The following DYNC1I2 variants were observed in gnomAD, a reference collection of about 807,000 sequenced individuals.
The protein encoded by DYNC1I2 is cytoplasmic dynein 1 intermediate chain 2.
In DYNC1I2, 53 loss-of-function variants were observed where a neutral mutation model predicts 88.6. The observed-to-expected ratio is 0.60, with a 90% CI of 0.48 to 0.75. The LOEUF is 0.75. Among genes scored for constraint, DYNC1I2 ranks in the 30% least tolerant of loss-of-function variants. The pLI is 0.00. For synonymous variants in DYNC1I2, 198 were observed against 254.6 expected (o/e 0.78, Z 2.12); for missense variants, 458 against 766.6 (o/e 0.60, Z 4.75).
In DYNC1I2 at chr2:171,729,702, A is replaced by C. The variant is rs773979818; in HGVS notation, c.1392-7A>C. ...CTTCTCTAACATTTTCACTTTTATGAAATTAGCAAAGCTGGAATCAGTGAG... is the reference window on the plus strand; with the variant it reads ...CTTCTCTAACATTTTCACTTTTATGCAATTAGCAAAGCTGGAATCAGTGAG... On this transcript the variant is annotated splice_polypyrimidine_tract_variant and splice_region_variant and intron_variant, in intron 14 of 17. Transcript: ENST00000397119. 7 of 1,612,046 alleles carry C rather than the reference A, an allele frequency of 4.3e-6. No homozygotes were observed. The highest frequency in any genetic ancestry group is 5.9e-6 in the Non-Finnish European group (7 of 1,179,650).
chr2:171,731,186 T>C (rs1688580760), intron 15 of DYNC1I2, among the ~76,000 whole-genome samples: 1 of 152,230 alleles, frequency 6.6e-6, no homozygotes, highest in Admixed American at 6.5e-5. Context: ...TGGATTGTTC[T>C]TGAATTTTTA....
chr2:171,737,163 A>G (rs111711136), intron 15 of DYNC1I2, among the ~76,000 whole-genome samples: 2,503 of 152,214 alleles, frequency 0.016, 58 homozygotes, highest in African/African-American at 0.053. Context: ...TGTTTCATTG[A>G]CTTGCAGCTA....
intron 4 of DYNC1I2, 45 bp downstream of exon 4, chr2:171,706,609 C>A: frequency 1.3e-6 from 2 of 1,558,122 alleles, no homozygotes; most frequent in Non-Finnish European, 1.8e-6. Flanking sequence ...TTGCATGCAT[C>A]ACTTTATGTT....
chr2:171,719,411 CTG>C (rs1210325258), intron 7 of DYNC1I2, among the ~76,000 whole-genome samples: 1 of 152,210 alleles, frequency 6.6e-6, no homozygotes, highest in African/African-American at 2.4e-5. Flanking sequence ...AATGGAAACA[CTG>C]TGCGCTTAAC....
intron 3 of DYNC1I2, among the ~76,000 whole-genome samples, chr2:171,698,665 C>G (rs570923685): frequency 7.4e-4 from 112 of 151,682 alleles, no homozygotes; most frequent in African/African-American, 2.4e-3. Context: ...GTCAGGAGAT[C>G]GAGACCATCC....
chr2:171,722,512 T>TA (rs1230217383), intron 7 of DYNC1I2, among the ~76,000 whole-genome samples: 4 of 152,156 alleles, frequency 2.6e-5, no homozygotes, highest in Admixed American at 2.0e-4. Context: ...CCTGCTCTGT[T>TA]ACAGTCTTTT....
At chr2:171,746,841 T>C (rs1472341474) in intron 17 of DYNC1I2, among the ~76,000 whole-genome samples, 1 of 152,172 alleles carries the variant, frequency 6.6e-6, no homozygotes, top group East Asian at 1.9e-4. Flanking sequence ...GTGAGTGGTT[T>C]GTGCCCTAAC....
intron 1 of DYNC1I2, chr2:171,688,299 C>T: frequency 6.6e-6 from 1 of 152,266 alleles, no homozygotes; most frequent in South Asian, 2.1e-4. Flanking sequence ...TCTAGAGACT[C>T]TCTTCTCTTG....
intron 3 of DYNC1I2, among the ~76,000 whole-genome samples, chr2:171,697,491 A>G (rs983696762): frequency 3.3e-5 from 5 of 152,090 alleles, no homozygotes; most frequent in Admixed American, 2.6e-4. Flanking sequence ...TTTAAACTGG[A>G]AGTTAGATTT....
chr2:171,710,582 C>T (rs1021530061), intron 5 of DYNC1I2, among the ~76,000 whole-genome samples: 1 of 152,008 alleles, frequency 6.6e-6, no homozygotes, highest in South Asian at 2.1e-4. Context: ...TATAAAAGGT[C>T]GTGAGAAATA....
At chr2:171,688,312 T>A (rs1473394786) in intron 1 of DYNC1I2, 2 of 151,984 alleles carry the variant, frequency 1.3e-5, no homozygotes, top group African/African-American at 4.8e-5. Context: ...TTCTCTTGAG[T>A]TTTAAGAACG....
chr2:171,701,750 G>T (rs1686275217), intron 3 of DYNC1I2, among the ~76,000 whole-genome samples: 1 of 152,160 alleles, frequency 6.6e-6, no homozygotes, highest in Admixed American at 6.6e-5. Context: ...AGTGGGGAAG[G>T]TAGCATATTT....
At chr2:171,709,873 G>A (rs1327322193) in intron 5 of DYNC1I2, among the ~76,000 whole-genome samples, 2 of 151,908 alleles carry the variant, frequency 1.3e-5, no homozygotes, top group East Asian at 1.9e-4. Context: ...ATGCACAACC[G>A]CGCCCAGCTA....
intron 5 of DYNC1I2, among the ~76,000 whole-genome samples, chr2:171,711,725 A>G (rs541124143): frequency 6.6e-6 from 1 of 152,282 alleles, no homozygotes; most frequent in South Asian, 2.1e-4. Flanking sequence ...ATTCATTACT[A>G]TTTTTCTTGA....
chr2:171,699,790 CTA>C (rs56358847), intron 3 of DYNC1I2, among the ~76,000 whole-genome samples: 4,733 of 152,044 alleles, frequency 0.031, 106 homozygotes, highest in Non-Finnish European at 0.046. Context: ...GCAGGTATCA[CTA>C]TGCCTGGCTA....
chr2:171,729,497 G>T (rs914738443), intron 14 of DYNC1I2, among the ~76,000 whole-genome samples: 19 of 152,174 alleles, frequency 1.2e-4, no homozygotes, highest in African/African-American at 3.6e-4. Context: ...ACAGCATGAT[G>T]TTTACAGTTC....
chr2:171,724,790 A>G (rs1688126510), intron 7 of DYNC1I2, among the ~76,000 whole-genome samples: 1 of 152,214 alleles, frequency 6.6e-6, no homozygotes, highest in Non-Finnish European at 1.5e-5. Flanking sequence ...AACCCATCTC[A>G]GTGTGTAGCA....
rs200570160 is a variant in DYNC1I2 at position 171,692,892 on chromosome 2, T to C, written c.224T>C (p.Ile75Thr). The C allele has an allele frequency of 1.5e-4, 233 of 1,586,188 alleles. No homozygotes were observed. Among genetic ancestry groups the C allele is most frequent in the Non-Finnish European group, 1.8e-4 (207 of 1,163,550 alleles). Residue 75 changes from isoleucine to threonine, a missense_variant and splice_region_variant, in exon 3 of 18, where the codon ATT (isoleucine) becomes ACT (threonine). Physicochemically the swap from Ile to Thr is moderately conservative, Grantham distance 89 (BLOSUM62 -1). This residue lies in a region of DYNC1I2 where 55 missense variants were observed against 57.1 expected (regional missense o/e 0.96). Coordinates refer to ENST00000397119, the MANE Select transcript of DYNC1I2 (RefSeq NM_001378.3). ...ATGGGGCTAACTCCAGAATCCCCCA[T>C]TGGTAAGGTTAAGAATATATCCATT... is the stretch of plus-strand genomic sequence containing the variant. ...QSMGLTPESP[I>T]VFSEYWVPPP...
chr2:171,727,798 A>G, intron 11 of DYNC1I2, 23 bp from the exon 12 acceptor site: 1 of 1,604,334 alleles, frequency 6.2e-7, no homozygotes, highest in Non-Finnish European at 8.5e-7. Flanking sequence ...AATCTCAAGT[A>G]TAAAAATCTT....
Sources: gnomAD v4.1 joint callset for allele counts (sites outside exome capture counted in the v4.1 genomes callset) on GRCh38, gnomAD v4.1.1 for gene constraint, gnomAD v4.1.1 regional missense constraint, MANE v1.5 for transcripts, NCBI Gene and HGNC (gene_info 2026-07-23, HGNC 2026-07-21) for gene names.